The following CLIP1 variants were observed in gnomAD, a reference collection of about 807,000 sequenced individuals.
CLIP1 encodes the protein CAP-Gly domain-containing linker protein 1.
Under a neutral mutation model 161.6 loss-of-function variants are expected in CLIP1, and 66 were observed. That is an observed-to-expected ratio of 0.41 (90% CI 0.33 to 0.50). CLIP1 has a LOEUF of 0.50. CLIP1 is among the 20% of genes least tolerant of loss of function. The pLI is 0.27. For missense variants in CLIP1, 1,376 were observed against 1,702.0 expected (o/e 0.81, Z 3.37); for synonymous variants, 598 against 626.2 (o/e 0.96, Z 0.67).
intron 10 of CLIP1, among the ~76,000 whole-genome samples, chr12:122,345,323 AT>A (rs5801470): frequency 1.3e-5 from 2 of 149,782 alleles, no homozygotes; most frequent in African/African-American, 2.4e-5. Flanking sequence ...CACCCAGCTA[AT>A]TTTTTTTTTT....
chr12:122,373,775 T>C (rs1336433511), intron 3 of CLIP1, among the ~76,000 whole-genome samples: 2 of 152,130 alleles, frequency 1.3e-5, no homozygotes, highest in African/African-American at 4.8e-5. Context: ...TGTATTTGCT[T>C]CCATACAAGT....
intron 1 of CLIP1, chr12:122,399,599 T>C (rs569526644): frequency 3.9e-5 from 6 of 152,236 alleles, no homozygotes; most frequent in Non-Finnish European, 5.9e-5. Flanking sequence ...AAAAATTCTG[T>C]TGGGAGGCAA....
rs952228527 is a variant in CLIP1 at position 122,272,095 on chromosome 12, G to A, written c.*780C>T. The A allele has an allele frequency of 6.6e-6, 1 of 152,154 alleles. No homozygotes were observed. The highest frequency in any genetic ancestry group is 2.4e-5 in the African/African-American group (1 of 41,382). 9.4% of individuals were successfully genotyped at this position (152,154 alleles called of 1,614,324 possible). Reference sequence around the variant, plus strand: ...TTTAAGTGTTTTCTTTTTCAAAAAGGTAAATGTCCAAAAAGAAAGACACAT... The same window carrying A: ...TTTAAGTGTTTTCTTTTTCAAAAAGATAAATGTCCAAAAAGAAAGACACAT... On this transcript the variant is annotated 3_prime_UTR_variant, in exon 26 of 26. Coordinates refer to ENST00000620786, the MANE Select transcript of CLIP1 (RefSeq NM_001247997.2).
chr12:122,368,324 C>T (rs1047876496), intron 3 of CLIP1, among the ~76,000 whole-genome samples: 2 of 152,128 alleles, frequency 1.3e-5, no homozygotes, highest in African/African-American at 4.8e-5. Context: ...TTAAGTACAT[C>T]AAGAGATTTC....
At position 122,311,658 on chromosome 12, in the gene CLIP1, C is replaced by G. The variant is rs1028743551; in HGVS notation, c.3474-1776G>C. 6.6e-6 allele frequency among the ~76,000 whole-genome samples: 1 copy of G among 152,060 alleles called. No individual in the cohort carries two copies. The highest frequency in any genetic ancestry group is 1.5e-5 in the Non-Finnish European group (1 of 68,020). ...CAGGATGGTCTGGATCTCTTGACCT[C>G]GTGATCTGCCCGCCTCGGCCTCCCA... On this transcript the variant is annotated intron_variant, in intron 19 of 25. Transcript: ENST00000620786. This position sits in a 1 kb window ranked among gnomAD's most constrained non-coding sequence, Gnocchi z 4.3.
chr12:122,349,237 TTCTTC>T (rs1952901833), intron 9 of CLIP1, among the ~76,000 whole-genome samples: 2 of 152,350 alleles, frequency 1.3e-5, no homozygotes, highest in South Asian at 4.1e-4. Flanking sequence ...AATAGAACCT[TTCTTC>T]TCTTGACACA....
chr12:122,335,679 C>T (rs1322133498), intron 12 of CLIP1, among the ~76,000 whole-genome samples: 1 of 151,820 alleles, frequency 6.6e-6, no homozygotes, highest in Non-Finnish European at 1.5e-5. Context: ...TGGTAACAGG[C>T]GCCTGTAATC....
intron 9 of CLIP1, among the ~76,000 whole-genome samples, chr12:122,349,229 T>C (rs889576400): frequency 2.6e-5 from 4 of 152,166 alleles, no homozygotes; most frequent in African/African-American, 9.7e-5. Flanking sequence ...GAAAAGGCAA[T>C]AGAACCTTTC....
chr12:122,289,737 C>A (rs1377072118), intron 20 of CLIP1, among the ~76,000 whole-genome samples: 1 of 151,308 alleles, frequency 6.6e-6, no homozygotes, highest in Non-Finnish European at 1.5e-5. Flanking sequence ...AAGGAGGAAT[C>A]ATCTCTACCT....
At chr12:122,396,869 C>A (rs1482222780) in intron 1 of CLIP1, among the ~76,000 whole-genome samples, 1 of 151,168 alleles carries the variant, frequency 6.6e-6, no homozygotes, top group Admixed American at 6.6e-5. Flanking sequence ...CAGACTCCAG[C>A]CATCCTTCCA....
At position 122,404,875 on chromosome 12, in the gene CLIP1, G is replaced by A. The variant is rs11838245; in HGVS notation, c.-107+17646C>T. ...AGATCGCGCCACTGCACTCCAGCCCGGGTGACAGAGCGAGACTCCATCTCA... is the reference window on the plus strand; with the variant it reads ...AGATCGCGCCACTGCACTCCAGCCCAGGTGACAGAGCGAGACTCCATCTCA... On this transcript the variant is annotated intron_variant, in intron 1 of 25. Coordinates refer to ENST00000620786, the MANE Select transcript of CLIP1 (RefSeq NM_001247997.2). Among the ~76,000 whole-genome samples the A allele has an allele frequency of 3.7e-3, 558 of 150,854 alleles. 9 individuals carry two copies. The highest frequency in any genetic ancestry group is 0.012 in the African/African-American group (481 of 41,026).
chr12:122,307,063 G>A lies in CLIP1; in HGVS notation c.3594+2699C>T, dbSNP rs557613426. On this transcript the variant is annotated intron_variant, in intron 20 of 25. Transcript: ENST00000620786. ...CTCACTCTGTCGCCCAGGCTGGAGT[G>A]CAGTGGCACGATCTCGGCTCACTGT... Among the ~76,000 whole-genome samples, 81 of 135,986 alleles carry A rather than the reference G, an allele frequency of 6.0e-4. 1 individual carries two copies. The highest frequency in any genetic ancestry group is 2.3e-3 in the African/African-American group (81 of 35,362). The allele number at this position is 135,986 out of a possible 152,430, so 89.2% of individuals were successfully genotyped here. A position where few individuals can be genotyped will look rare whatever the true frequency, so the allele number is the denominator to read the frequency against.
At chr12:122,414,505 C>A (rs560455038) in intron 1 of CLIP1, among the ~76,000 whole-genome samples, 1 of 151,394 alleles carries the variant, frequency 6.6e-6, no homozygotes, top group Non-Finnish European at 1.5e-5. Context: ...TATCTTTTTG[C>A]CCAGGCTGGA....
At chr12:122,405,212 C>T (rs1172250267) in intron 1 of CLIP1, among the ~76,000 whole-genome samples, 2 of 151,846 alleles carry the variant, frequency 1.3e-5, no homozygotes, top group African/African-American at 2.4e-5. Context: ...TCCCATGAGA[C>T]GTTCTGTCAC....
chr12:122,309,404 G>A (rs1294000726), intron 20 of CLIP1, among the ~76,000 whole-genome samples: 1 of 152,058 alleles, frequency 6.6e-6, no homozygotes, highest in Non-Finnish European at 1.5e-5. Context: ...TTTGATGAAA[G>A]TGAAAAAAAT....
chr12:122,368,495 C>T (rs769248967), intron 3 of CLIP1, among the ~76,000 whole-genome samples: 4 of 152,140 alleles, frequency 2.6e-5, no homozygotes, highest in Non-Finnish European at 5.9e-5. Flanking sequence ...ATCCAGTTCT[C>T]GGCAAGCCAT....
Position 122,410,490 on chromosome 12 carries a change from G to C in CLIP1, c.-107+12031C>G, listed in dbSNP as rs528027770. The stretch of plus-strand genomic sequence containing the variant: ...TTTTTTTTTTTTGAGATGGAGTCTC[G>C]CTCTGTCACTCAGGCTGGAGTGCAG... On this transcript the variant is annotated intron_variant, in intron 1 of 25. Transcript: ENST00000620786. 1.5e-4 allele frequency among the ~76,000 whole-genome samples: 20 copies of C among 129,352 alleles called. No individual in the cohort carries two copies. In the Admixed American group the frequency reaches 1.6e-3, roughly 10 times the overall value. 84.9% of individuals were successfully genotyped at this position (129,352 alleles called of 152,430 possible).
intron 1 of CLIP1, among the ~76,000 whole-genome samples, chr12:122,407,034 T>A (rs1956348502): frequency 6.6e-6 from 1 of 152,198 alleles, no homozygotes; most frequent in African/African-American, 2.4e-5. Flanking sequence ...TTTGTAACTC[T>A]AACACATACC....
At chr12:122,340,376 G>A (rs1396415924) in intron 11 of CLIP1, among the ~76,000 whole-genome samples, 1 of 152,160 alleles carries the variant, frequency 6.6e-6, no homozygotes, top group African/African-American at 2.4e-5. Context: ...ACTGCGCCTG[G>A]CCGATCTTTT....
Sources: gnomAD v4.1 joint callset for allele counts (sites outside exome capture counted in the v4.1 genomes callset) on GRCh38, gnomAD v4.1.1 for gene constraint, Gnocchi (gnomAD v3.1) non-coding constraint, MANE v1.5 for transcripts, NCBI Gene and HGNC (gene_info 2026-07-23, HGNC 2026-07-21) for gene names.